RAD17: variants seen among roughly 807,000 people sequenced by gnomAD.
The protein encoded by RAD17 is cell cycle checkpoint protein RAD17.
RAD17 carries 31 observed loss-of-function variants against 81.5 expected under a neutral mutation model. The ratio of observed to expected loss-of-function variants is 0.38; its 90% CI spans 0.29 to 0.51. The LOEUF is 0.51. RAD17 is among the 20% of genes least tolerant of loss of function. The pLI, the probability that RAD17 is intolerant of heterozygous loss-of-function variation, is 0.88. For missense variants in RAD17, 681 were observed against 781.2 expected (o/e 0.87, Z 1.53); for synonymous variants, 261 against 266.2 (o/e 0.98, Z 0.19).
chr5:69,410,982 T>TGAACA, intron 18 of RAD17, among the ~76,000 whole-genome samples: 1 of 144,098 alleles, frequency 6.9e-6, no homozygotes, highest in Non-Finnish European at 1.5e-5. Context: ...TATATATATA[T>TGAACA]ATATATATAT....
chr5:69,393,016 TTTTA>T (rs1194804511), intron 13 of RAD17, 135 bp from the exon 14 acceptor site: 11 of 556,474 alleles, frequency 2.0e-5, no homozygotes, highest in South Asian at 1.9e-4. Context: ...TCCAGTTGTT[TTTTA>T]TTTATTTATT....
Position 69,391,844 on chromosome 5 carries a change from A to G in RAD17, c.1020A>G (p.Leu340=). 1 of 1,547,902 alleles carries G rather than the reference A, an allele frequency of 6.5e-7. No homozygotes were observed. Among genetic ancestry groups the G allele is most frequent in the Non-Finnish European group, 8.7e-7 (1 of 1,154,430 alleles). The change falls in exon 13 of 19, where the codon TTA becomes TTG. Residue 340 remains leucine, a synonymous_variant. Coordinates refer to ENST00000354868, the MANE Select transcript of RAD17 (RefSeq NM_133338.3). ...QFSSSKGENN[L]RPRKKGMSLK... ...TATATTATTCAGGAGAAAACAACTT[A>G]CGGCCAAGGAAAAAAGGAATGTCTT...
intron 17 of RAD17, among the ~76,000 whole-genome samples, chr5:69,407,715 T>C (rs1765713185): frequency 6.6e-6 from 1 of 152,108 alleles, no homozygotes. Flanking sequence ...TAGCTGGGAA[T>C]ACAGGCATGT....
intron 17 of RAD17, among the ~76,000 whole-genome samples, chr5:69,408,376 C>T (rs1168406): frequency 0.48 from 72,169 of 151,884 alleles, 17,304 homozygotes; most frequent in South Asian, 0.53. Flanking sequence ...TCAGAGAGCT[C>T]ATCCTTGGCT....
chr5:69,384,755 A>T lies in RAD17; in HGVS notation c.509-42A>T, dbSNP rs777355121. On this transcript the variant is annotated intron_variant, in intron 7 of 18. Transcript: ENST00000354868. ...ATACAGATGTATAATATTAATGTAT[A>T]TCATTTGTTGAAAATAAAAGTGGTT... The T allele has an allele frequency of 3.9e-6, 6 of 1,543,526 alleles. No individual in the cohort carries two copies. In the Admixed American group the frequency reaches 5.4e-5, roughly 14 times the overall value.
chr5:69,387,301 C>G (rs1283608575), intron 11 of RAD17, among the ~76,000 whole-genome samples: 1 of 152,094 alleles, frequency 6.6e-6, no homozygotes, highest in African/African-American at 2.4e-5. Context: ...GGACCTTCTG[C>G]TCCCAGCGTC....
chr5:69,382,499 A>G lies in RAD17; in HGVS notation c.508+442A>G, dbSNP rs575728951. Among the ~76,000 whole-genome samples the G allele has an allele frequency of 1.1e-3, 160 of 152,334 alleles. 1 individual carries two copies. Among genetic ancestry groups the G allele is most frequent in the African/African-American group, 3.7e-3 (154 of 41,582 alleles). On this transcript the variant is annotated intron_variant, in intron 7 of 18. Coordinates refer to ENST00000354868, the MANE Select transcript of RAD17 (RefSeq NM_133338.3). ...GAGAAGGAAAGAAAGCATGTCTCCA[A>G]TGGAAGACAATGGAATTTTTTGAAG...
At chr5:69,396,615 A>C in intron 16 of RAD17, 69 bp downstream of exon 16, 2 of 1,364,492 alleles carry the variant, frequency 1.5e-6, no homozygotes, top group Non-Finnish European at 1.9e-6. Context: ...TATAACTCAA[A>C]GCAGTTATTT....
chr5:69,372,290 C>G (rs1763056718), intron 4 of RAD17, 73 bp downstream of exon 4: 2 of 1,319,474 alleles, frequency 1.5e-6, no homozygotes, highest in Non-Finnish European at 2.2e-6. Context: ...CTAACTCTGT[C>G]TTAAAAGAAG....
chr5:69,369,384 C>T (rs1762742857), upstream of RAD17: 1 of 1,540,586 alleles, frequency 6.5e-7, no homozygotes, highest in African/African-American at 1.4e-5. Context: ...GAGGGGCCCC[C>T]ACCTGGGCGC....
At chr5:69,397,926 G>A (rs901016771) in intron 16 of RAD17, among the ~76,000 whole-genome samples, 1 of 152,004 alleles carries the variant, frequency 6.6e-6, no homozygotes, top group East Asian at 1.9e-4. Context: ...GACCATCCTG[G>A]CTAACACGAT....
At chr5:69,371,944 G>C in intron 3 of RAD17, 90 bp from the exon 4 acceptor site, 1 of 643,920 alleles carries the variant, frequency 1.6e-6, no homozygotes, top group East Asian at 3.4e-5. Flanking sequence ...ATGCATGCAG[G>C]GTAGCTATTT....
chr5:69,378,655 T>G (rs750186286), intron 6 of RAD17, among the ~76,000 whole-genome samples: 9 of 152,342 alleles, frequency 5.9e-5, no homozygotes, highest in Middle Eastern at 3.4e-3. Context: ...TGTCAACCCA[T>G]CAATATATAG....
chr5:69,413,005 G>A (rs558126344), intron 18 of RAD17, among the ~76,000 whole-genome samples: 3 of 150,710 alleles, frequency 2.0e-5, no homozygotes, highest in Non-Finnish European at 4.4e-5. Flanking sequence ...AAAGATGACA[G>A]TAGTAGCTCA....
rs550222595 is a variant in RAD17 at position 69,407,562 on chromosome 5, G to GTTTTTTTTTTTTTT, written c.1694-2913_1694-2900dup. Among the ~76,000 whole-genome samples the GTTTTTTTTTTTTTT allele has an allele frequency of 1.5e-4, 6 of 40,890 alleles. 2 individuals carry two copies. Among genetic ancestry groups the GTTTTTTTTTTTTTT allele is most frequent in the Non-Finnish European group, 2.5e-4 (6 of 24,382 alleles). The allele number at this position is 40,890 out of a possible 152,430, so 26.8% of individuals were successfully genotyped here. A position where few individuals can be genotyped will look rare whatever the true frequency, so the allele number is the denominator to read the frequency against. The stretch of plus-strand genomic sequence containing the variant: ...CTTCTATATGTCAATCTATGTCCAA[G>GTTTTTTTTTTTTTT]TTTTTTTTTTTTTTTTTTTTTTTTT... On this transcript the variant is annotated intron_variant, in intron 17 of 18. Transcript: ENST00000354868.
intron 15 of RAD17, among the ~76,000 whole-genome samples, chr5:69,395,574 G>A (rs1001607090): frequency 1.3e-5 from 2 of 152,100 alleles, no homozygotes; most frequent in Non-Finnish European, 2.9e-5. Context: ...AAGGATAAAT[G>A]CTTGAGGTAA....
chr5:69,384,876 C>G lies in RAD17; in HGVS notation c.588C>G (p.Asn196Lys). 1 of 1,609,916 alleles carries G rather than the reference C, an allele frequency of 6.2e-7. No homozygotes were observed. Among genetic ancestry groups the G allele is most frequent in the South Asian group, 1.1e-5 (1 of 90,960 alleles). Residue 196 changes from asparagine (N) to lysine (K), a missense_variant, in exon 8 of 19, where the codon AAC (asparagine) becomes AAG (lysine). Asn to Lys is a moderately conservative substitution (Grantham distance 94). Transcript: ENST00000354868. ...TTCTACTAAGAGCGACAAAGTATAA[C>G]AAGTTACAAATGCTTGGAGATGATC... Reference protein sequence around the residue: ...KEFLLRATKYNKLQMLGDDLR... With the variant: ...KEFLLRATKYKKLQMLGDDLR...
intron 12 of RAD17, 48 bp from the exon 13 acceptor site, chr5:69,391,783 T>A (rs1436913777): frequency 7.7e-7 from 1 of 1,301,548 alleles, no homozygotes; most frequent in African/African-American, 1.6e-5. Context: ...TTAGTTTTAA[T>A]TTTCATATTT....
chr5:69,383,004 G>A (rs1359037982), intron 7 of RAD17, among the ~76,000 whole-genome samples: 2 of 151,946 alleles, frequency 1.3e-5, no homozygotes, highest in African/African-American at 4.8e-5. Flanking sequence ...GTCTGGTCTC[G>A]AACTCCTGGC....
Sources: allele counts gnomAD v4.1 joint callset (sites outside exome capture counted in the v4.1 genomes callset), GRCh38; gene constraint gnomAD v4.1.1; transcripts MANE v1.5; gene names NCBI Gene and HGNC (gene_info 2026-07-23, HGNC 2026-07-21).